WDR25: variants seen among roughly 807,000 people sequenced by gnomAD.
WDR25 encodes the protein WD repeat domain 25.
WDR25 carries 35 observed loss-of-function variants against 47.7 expected under a neutral mutation model. That is an observed-to-expected ratio of 0.73 (90% CI 0.56 to 0.97). WDR25 has a LOEUF of 0.97. WDR25 is among the 50% of genes least tolerant of loss of function. WDR25 has a pLI of 0.00. For synonymous variants in WDR25, 248 were observed against 278.9 expected, an observed-to-expected ratio of 0.89 and a Z score of 1.10; for missense variants, 634 against 704.7, an observed-to-expected ratio of 0.90 and a Z score of 1.14.
chr14:100,427,788 C>G (rs1341759258), intron 2 of WDR25, among the ~76,000 whole-genome samples: 1 of 152,226 alleles, frequency 6.6e-6, no homozygotes, highest in African/African-American at 2.4e-5. Flanking sequence ...TTTGCCACCA[C>G]CCCACCCATT....
chr14:100,440,207 C>T lies in WDR25; in HGVS notation c.823-27814C>T, dbSNP rs754533790. Among the ~76,000 whole-genome samples, 7 of 152,238 alleles carry T rather than the reference C, an allele frequency of 4.6e-5. No homozygotes were observed. The highest frequency in any genetic ancestry group is 2.0e-4 in the Admixed American group (3 of 15,288). On this transcript the variant is annotated intron_variant, in intron 2 of 6. Transcript: ENST00000402312. The surrounding 1 kb of genome is among the most constrained non-coding windows in gnomAD (Gnocchi z 4.4). ...TTTTCAATTTCAACCTGACTCCATT[C>T]CTCTCTTTATGTGTGTCAGTCATAG...
chr14:100,508,098 C>T (rs867873987), intron 4 of WDR25, among the ~76,000 whole-genome samples: 12 of 152,052 alleles, frequency 7.9e-5, no homozygotes, highest in African/African-American at 1.7e-4. Flanking sequence ...CTTCATTCCT[C>T]GGATGCAAAG....
chr14:100,384,621 G>A (rs1002248755), intron 2 of WDR25, among the ~76,000 whole-genome samples: 1 of 152,218 alleles, frequency 6.6e-6, no homozygotes, highest in Non-Finnish European at 1.5e-5. Flanking sequence ...GTGGGTGGTG[G>A]GTCTGGAGTG....
intron 2 of WDR25, among the ~76,000 whole-genome samples, chr14:100,389,104 T>C (rs1897082449): frequency 6.6e-6 from 1 of 152,248 alleles, no homozygotes; most frequent in Non-Finnish European, 1.5e-5. Flanking sequence ...TGATGGCCTG[T>C]GTCCAAATGA....
chr14:100,435,321 G>A (rs1898468234), intron 2 of WDR25, among the ~76,000 whole-genome samples: 1 of 152,190 alleles, frequency 6.6e-6, no homozygotes, highest in African/African-American at 2.4e-5. Context: ...AAGGAAAAAG[G>A]CCCCAGGGAG....
intron 2 of WDR25, among the ~76,000 whole-genome samples, chr14:100,413,638 C>T (rs1897779589): frequency 1.3e-5 from 2 of 152,182 alleles, no homozygotes. Flanking sequence ...TGGTCTCGAT[C>T]TCCTGACCTC....
At chr14:100,464,022 C>T (rs1899517570) in intron 2 of WDR25, among the ~76,000 whole-genome samples, 2 of 152,134 alleles carry the variant, frequency 1.3e-5, no homozygotes, top group Non-Finnish European at 2.9e-5. Flanking sequence ...CTGGAGTGGT[C>T]CTACTGCAGT....
At chr14:100,507,684 T>G (rs1350578733) in intron 4 of WDR25, among the ~76,000 whole-genome samples, 4 of 151,406 alleles carry the variant, frequency 2.6e-5, no homozygotes, top group South Asian at 2.1e-4. Flanking sequence ...TTGCAAATGG[T>G]ATTGCAAATG....
In WDR25 at chr14:100,525,858, C is replaced by T. The variant is rs1294456047; in HGVS notation, c.1102-12C>T. 2.5e-6 allele frequency: 4 copies of T among 1,612,770 alleles called. No individual in the cohort carries two copies. The highest frequency in any genetic ancestry group is 3.4e-6 in the Non-Finnish European group (4 of 1,179,240). Reference sequence around the variant, plus strand: ...CCAGGCCTGCCAGCATGACCGGTGTCCGCTCTTGCAGGTGATGAGAAGCTA... The same window carrying T: ...CCAGGCCTGCCAGCATGACCGGTGTTCGCTCTTGCAGGTGATGAGAAGCTA... On this transcript the variant is annotated splice_polypyrimidine_tract_variant and intron_variant, in intron 4 of 6. Coordinates refer to ENST00000402312, the MANE Select transcript of WDR25 (RefSeq NM_001161476.3). This position sits in a 1 kb window ranked among gnomAD's most constrained non-coding sequence, Gnocchi z 4.6.
Position 100,393,295 on chromosome 14 carries a change from C to A in WDR25, c.822+11549C>A, listed in dbSNP as rs138522141. On this transcript the variant is annotated intron_variant, in intron 2 of 6. Transcript: ENST00000402312. ...TAAACAGAAGTGCTCTCTTTCTGAA[C>A]TAGTTGAAATGTTATTTTGAAAGGT... Among the ~76,000 whole-genome samples the A allele has an allele frequency of 2.6e-5, 4 of 152,320 alleles. No individual in the cohort carries two copies. In the East Asian group the frequency reaches 7.7e-4, roughly 29 times the overall value.
At chr14:100,466,736 A>G (rs1208484389) in intron 2 of WDR25, among the ~76,000 whole-genome samples, 1 of 152,212 alleles carries the variant, frequency 6.6e-6, no homozygotes, top group East Asian at 1.9e-4. Context: ...GCTGGCTGCA[A>G]GTGCTCCTCT....
intron 2 of WDR25, among the ~76,000 whole-genome samples, chr14:100,403,287 C>T (rs1454921744): frequency 3.3e-5 from 5 of 152,126 alleles, no homozygotes; most frequent in Admixed American, 3.3e-4. Flanking sequence ...TCAGCCTTGC[C>T]GTGGGAAGCA....
chr14:100,495,350 C>T (rs557276627), intron 4 of WDR25, among the ~76,000 whole-genome samples: 5 of 152,238 alleles, frequency 3.3e-5, no homozygotes, highest in South Asian at 4.2e-4. Context: ...GGTGAGACTC[C>T]GTCTCAAAAA....
At chr14:100,422,025 C>T (rs1413494789) in intron 2 of WDR25, among the ~76,000 whole-genome samples, 1 of 152,132 alleles carries the variant, frequency 6.6e-6, no homozygotes, top group Admixed American at 6.5e-5. Context: ...ACATGTGTTC[C>T]AGTTTTTTAT....
At chr14:100,393,840 A>G (rs1897196511) in intron 2 of WDR25, among the ~76,000 whole-genome samples, 1 of 152,156 alleles carries the variant, frequency 6.6e-6, no homozygotes, top group Non-Finnish European at 1.5e-5. Flanking sequence ...CAGGGCCAAG[A>G]TGGTGGCTGT....
intron 2 of WDR25, among the ~76,000 whole-genome samples, chr14:100,443,828 T>C (rs772017336): frequency 1.3e-5 from 2 of 152,224 alleles, no homozygotes; most frequent in Admixed American, 6.5e-5. Flanking sequence ...TACTGAGTGA[T>C]TGGAGCATGA....
At chr14:100,446,787 C>T (rs1024492829) in intron 2 of WDR25, among the ~76,000 whole-genome samples, 1 of 152,222 alleles carries the variant, frequency 6.6e-6, no homozygotes, top group South Asian at 2.1e-4. Context: ...GCAGGTGTCG[C>T]TGGTCACTCC....
chr14:100,472,963 A>C (rs1261923072), intron 3 of WDR25, among the ~76,000 whole-genome samples: 1 of 152,116 alleles, frequency 6.6e-6, no homozygotes, highest in Non-Finnish European at 1.5e-5. Context: ...TGGGTGTCCC[A>C]GTGTCTTTTG....
chr14:100,464,373 A>C (rs1334867623), intron 2 of WDR25, among the ~76,000 whole-genome samples: 2 of 152,014 alleles, frequency 1.3e-5, no homozygotes, highest in Non-Finnish European at 2.9e-5. Flanking sequence ...TTAATACTTC[A>C]GTCTTCACCA....
Sources: allele counts gnomAD v4.1 joint callset (sites outside exome capture counted in the v4.1 genomes callset), GRCh38; gene constraint gnomAD v4.1.1; non-coding constraint Gnocchi (gnomAD v3.1); transcripts MANE v1.5; gene names NCBI Gene and HGNC (gene_info 2026-07-23, HGNC 2026-07-21).